EHMT1: variants seen among roughly 807,000 people sequenced by gnomAD.
The protein encoded by EHMT1 is euchromatic histone lysine methyltransferase 1.
EHMT1 carries 15 observed loss-of-function variants against 147.2 expected under a neutral mutation model. That is an observed-to-expected ratio of 0.10 (90% CI 0.07 to 0.16). The LOEUF (loss-of-function observed/expected upper bound fraction) is 0.16, where lower values mean the gene tolerates loss of function less well. Among genes scored for constraint, EHMT1 ranks in the 10% least tolerant of loss-of-function variants. The pLI is 1.00. For missense variants in EHMT1, 1,587 were observed against 1,772.4 expected (o/e 0.90, Z 1.88); for synonymous variants, 795 against 709.6 (o/e 1.12, Z -1.91).
chr9:137,667,698 G>A (rs1435538014), intron 1 of EHMT1, among the ~76,000 whole-genome samples: 2 of 152,168 alleles, frequency 1.3e-5, no homozygotes, highest in East Asian at 3.9e-4. Flanking sequence ...AAGAGGAAAA[G>A]TTCATGTAAA....
chr9:137,752,492 A>G, intron 7 of EHMT1, 84 bp downstream of exon 7: 1 of 1,503,900 alleles, frequency 6.6e-7, no homozygotes, highest in Non-Finnish European at 9.1e-7. Context: ...TTTACCCAAC[A>G]ACCCTTGTTG....
At chr9:137,650,453 G>A (rs924174248) in intron 1 of EHMT1, among the ~76,000 whole-genome samples, 1 of 152,078 alleles carries the variant, frequency 6.6e-6, no homozygotes, top group Non-Finnish European at 1.5e-5. Flanking sequence ...GTGTGAAGTA[G>A]TATCTCATTG....
chr9:137,665,676 T>C (rs1223998434), intron 1 of EHMT1, among the ~76,000 whole-genome samples: 2 of 152,234 alleles, frequency 1.3e-5, no homozygotes, highest in Non-Finnish European at 2.9e-5. Flanking sequence ...CGAGCAGTGA[T>C]TGCTTTGTGG....
At chr9:137,711,165 C>A in intron 2 of EHMT1, 135 bp downstream of exon 2, 1 of 844,690 alleles carries the variant, frequency 1.2e-6, no homozygotes, top group Non-Finnish European at 1.8e-6. Flanking sequence ...AGTTTCTAAT[C>A]TATCCCATTC....
chr9:137,665,489 G>A (rs1049442583), intron 1 of EHMT1, among the ~76,000 whole-genome samples: 5 of 152,150 alleles, frequency 3.3e-5, no homozygotes, highest in Non-Finnish European at 5.9e-5. Context: ...TGGGAGGTGC[G>A]CATTGCGAGC....
chr9:137,795,687 G>A (rs760586555), intron 16 of EHMT1, among the ~76,000 whole-genome samples: 1 of 152,062 alleles, frequency 6.6e-6, no homozygotes, highest in Non-Finnish European at 1.5e-5. Flanking sequence ...TGAATGAAAC[G>A]ATCCTATTGA....
At chr9:137,760,815 C>T (rs1002775710) in intron 9 of EHMT1, among the ~76,000 whole-genome samples, 1 of 152,204 alleles carries the variant, frequency 6.6e-6, no homozygotes, top group Non-Finnish European at 1.5e-5. Context: ...CGAGACCATC[C>T]TGGCTAACAC....
At chr9:137,780,022 T>C (rs774637978) in intron 14 of EHMT1, among the ~76,000 whole-genome samples, 114 of 152,362 alleles carry the variant, frequency 7.5e-4, no homozygotes, top group Non-Finnish European at 1.5e-3. Context: ...AACTAGTGAG[T>C]TGTGGCCCTG....
intron 1 of EHMT1, among the ~76,000 whole-genome samples, chr9:137,624,507 G>C (rs957655139): frequency 1.3e-5 from 2 of 152,042 alleles, no homozygotes; most frequent in African/African-American, 2.4e-5. Flanking sequence ...GTAGAGACAG[G>C]GTTTCGCCAT....
chr9:137,717,246 T>G (rs527815045), intron 3 of EHMT1, 64 bp downstream of exon 3: 2 of 1,574,350 alleles, frequency 1.3e-6, no homozygotes, highest in Admixed American at 1.8e-5. Flanking sequence ...TAACGGCAAA[T>G]GGACTTTGGT....
Position 137,777,608 on chromosome 9 carries a change from C to T in EHMT1, c.2019-274C>T, listed in dbSNP as rs556931305. On this transcript the variant is annotated intron_variant, in intron 12 of 26. Coordinates refer to ENST00000460843, the MANE Select transcript of EHMT1 (RefSeq NM_024757.5). Reference sequence around the variant, plus strand: ...TTGAATCAAAATTCCAGTGGGATTTCCTTTTGTTGGGGTGGGCAGTGGACT... The same window carrying T: ...TTGAATCAAAATTCCAGTGGGATTTTCTTTTGTTGGGGTGGGCAGTGGACT... 2.8e-4 allele frequency among the ~76,000 whole-genome samples: 43 copies of T among 152,240 alleles called. No homozygotes were observed. In the South Asian group the frequency reaches 8.5e-3, roughly 30 times the overall value.
chr9:137,800,067 T>C (rs1428687679), intron 17 of EHMT1, among the ~76,000 whole-genome samples: 1 of 152,202 alleles, frequency 6.6e-6, no homozygotes, highest in Non-Finnish European at 1.5e-5. Flanking sequence ...GCAGGCTGAC[T>C]GTCCACCGCA....
chr9:137,834,789 C>T lies in EHMT1; in HGVS notation c.3733C>T (p.Arg1245Cys), dbSNP rs1413598240. Residue 1245 changes from arginine to cysteine, a missense_variant, in exon 27 of 27, where the codon CGC becomes TGC. Transcript: ENST00000460843. The stretch of plus-strand genomic sequence containing the variant: ...CCTCCCCAGGTTTGACTATGGAGAG[C>T]GCTTCTGGGACATCAAAGGCAAGCT... ...GEQLGFDYGE[R>C]FWDIKGKLFS... 14 of 1,613,246 alleles carry T rather than the reference C, an allele frequency of 8.7e-6. No homozygotes were observed. The South Asian group carries it at 1.2e-4, about 14-fold the overall frequency.
At chr9:137,784,049 A>T in intron 15 of EHMT1, 1 of 833,396 alleles carries the variant, frequency 1.2e-6, no homozygotes, top group Non-Finnish European at 2.0e-6. Flanking sequence ...TTCTCTAGCT[A>T]TAAGAGAATA....
chr9:137,803,391 C>G, intron 18 of EHMT1: 2 of 772,044 alleles, frequency 2.6e-6, no homozygotes, highest in Non-Finnish European at 3.1e-6. Context: ...CAGCCCACCC[C>G]TGCCACCCAT....
chr9:137,703,563 C>G (rs150565410), intron 1 of EHMT1, among the ~76,000 whole-genome samples: 226 of 152,282 alleles, frequency 1.5e-3, no homozygotes, highest in African/African-American at 5.1e-3. Context: ...ATCCTTAGAG[C>G]AGGGACACAG....
chr9:137,637,848 ATTTG>A (rs1428342457), intron 1 of EHMT1, among the ~76,000 whole-genome samples: 1 of 151,562 alleles, frequency 6.6e-6, no homozygotes, highest in Non-Finnish European at 1.5e-5. Context: ...TAATTTCCTT[ATTTG>A]TTCTAGGTGT....
intron 7 of EHMT1, 138 bp downstream of exon 7, chr9:137,752,546 C>T: frequency 1.0e-6 from 1 of 983,196 alleles, no homozygotes; most frequent in East Asian, 2.6e-5. Flanking sequence ...ATGGTGATGG[C>T]CACAGATGGG....
rs79514677 is a variant in EHMT1 at position 137,716,668 on chromosome 9, C to G, written c.128C>G (p.Ala43Gly). The G allele has an allele frequency of 4.3e-3, 6,820 of 1,596,964 alleles. 240 individuals carry two copies. The African/African-American group carries it at 0.078, about 18-fold the overall frequency. The stretch of plus-strand genomic sequence containing the variant: ...GATGAAGGCTCAGCAGAGAAACAGG[C>G]AGGAGAGGCCCACATGGCTGCGGAC... ...AADEGSAEKQ[A>G]GEAHMAADGE... Residue 43 changes from alanine (A) to glycine (G), a missense_variant, in exon 3 of 27, where the codon GCA (alanine) becomes GGA (glycine). By Grantham distance (60) the Ala-to-Gly change is moderately conservative. Transcript: ENST00000460843.
Sources: gnomAD v4.1 joint callset for allele counts (sites outside exome capture counted in the v4.1 genomes callset) on GRCh38, gnomAD v4.1.1 for gene constraint, MANE v1.5 for transcripts, NCBI Gene and HGNC (gene_info 2026-07-23, HGNC 2026-07-21) for gene names.